The following HCN1 variants were observed in gnomAD, a reference collection of about 807,000 sequenced individuals.
The protein encoded by HCN1 is hyperpolarization activated cyclic nucleotide gated potassium channel 1.
Under a neutral mutation model 78.9 loss-of-function variants are expected in HCN1, and 13 were observed. That is an observed-to-expected ratio of 0.16 (90% confidence interval 0.11 to 0.26). HCN1 has a LOEUF of 0.26. Among genes scored for constraint, HCN1 ranks in the 10% least tolerant of loss-of-function variants. The pLI is 1.00. For synonymous variants in HCN1, 552 were observed against 455.5 expected (o/e 1.21, Z -2.70); for missense variants, 810 against 1,154.3 (o/e 0.70, Z 4.32).
chr5:45,460,011 C>A (rs1741113867), intron 3 of HCN1, among the ~76,000 whole-genome samples: 1 of 152,072 alleles, frequency 6.6e-6, no homozygotes, highest in Admixed American at 6.6e-5. Flanking sequence ...TTACTTTGTT[C>A]TTTAGTTATC....
chr5:45,538,033 TAA>T (rs5867703), intron 2 of HCN1, among the ~76,000 whole-genome samples: 10,537 of 146,890 alleles, frequency 0.072, 467 homozygotes, highest in East Asian at 0.18. Context: ...CAATAACAGT[TAA>T]AAAAAAAAAA....
intron 2 of HCN1, among the ~76,000 whole-genome samples, chr5:45,540,349 A>T (rs1194752363): frequency 1.3e-5 from 2 of 149,736 alleles, no homozygotes; most frequent in East Asian, 3.9e-4. Context: ...TTTGAGAGAG[A>T]GAGAGTCTCA....
intron 7 of HCN1, among the ~76,000 whole-genome samples, chr5:45,265,167 G>A (rs1216223274): frequency 6.6e-6 from 1 of 151,514 alleles, no homozygotes; most frequent in Non-Finnish European, 1.5e-5. Context: ...TCCAGCCTGG[G>A]CAACAGAGCA....
At chr5:45,311,441 T>C (rs909529860) in intron 5 of HCN1, among the ~76,000 whole-genome samples, 5 of 152,206 alleles carry the variant, frequency 3.3e-5, no homozygotes, top group Admixed American at 2.6e-4. Context: ...TTAGAAAATT[T>C]GTTTAAACAT....
intron 7 of HCN1, among the ~76,000 whole-genome samples, chr5:45,265,205 T>A (rs946246330): frequency 1.5e-4 from 22 of 150,792 alleles, no homozygotes; most frequent in African/African-American, 5.1e-4. Context: ...AAAAAAAAAA[T>A]TAACTGCAAT....
chr5:45,516,703 A>G (rs1389964176), intron 2 of HCN1, among the ~76,000 whole-genome samples: 1 of 151,912 alleles, frequency 6.6e-6, no homozygotes, highest in Non-Finnish European at 1.5e-5. Flanking sequence ...TTGATTAATA[A>G]GCCAAAGCTA....
intron 3 of HCN1, among the ~76,000 whole-genome samples, chr5:45,430,164 A>G (rs1188628114): frequency 6.6e-6 from 1 of 152,234 alleles, no homozygotes; most frequent in Non-Finnish European, 1.5e-5. Context: ...CTGTCTTACA[A>G]TTAGGCAGAT....
At chr5:45,464,679 T>G (rs1741232226) in intron 2 of HCN1, among the ~76,000 whole-genome samples, 1 of 151,060 alleles carries the variant, frequency 6.6e-6, no homozygotes, top group African/African-American at 2.5e-5. Flanking sequence ...TAATATTACT[T>G]GTGATGAATA....
chr5:45,312,534 C>A (rs961793236), intron 5 of HCN1, among the ~76,000 whole-genome samples: 6 of 152,124 alleles, frequency 3.9e-5, no homozygotes, highest in African/African-American at 1.4e-4. Context: ...ACAGTGGGTG[C>A]AGCCCACTGA....
chr5:45,573,134 T>C (rs1470657946), intron 2 of HCN1, among the ~76,000 whole-genome samples: 1 of 152,186 alleles, frequency 6.6e-6, no homozygotes, highest in Non-Finnish European at 1.5e-5. Context: ...ATATTATCTA[T>C]GCATATAAAT....
chr5:45,359,118 A>G (rs1414667184), intron 4 of HCN1, among the ~76,000 whole-genome samples: 3 of 152,034 alleles, frequency 2.0e-5, no homozygotes, highest in African/African-American at 7.2e-5. Context: ...CAGATAATAA[A>G]TTTGTATGCC....
chr5:45,454,966 C>G (rs1424834345), intron 3 of HCN1, among the ~76,000 whole-genome samples: 1 of 151,984 alleles, frequency 6.6e-6, no homozygotes, highest in East Asian at 1.9e-4. Context: ...GCTAGAAGTG[C>G]CTGAAGTATC....
chr5:45,676,774 A>T (rs10941699), intron 1 of HCN1, among the ~76,000 whole-genome samples: 1,971 of 151,942 alleles, frequency 0.013, 48 homozygotes, highest in African/African-American at 0.046. Context: ...TTGAATGGAA[A>T]TATATTCAAA....
At chr5:45,687,731 T>C (rs565883384) in intron 1 of HCN1, among the ~76,000 whole-genome samples, 1 of 152,318 alleles carries the variant, frequency 6.6e-6, no homozygotes, top group South Asian at 2.1e-4. Context: ...GGTTATCTTT[T>C]GCTTTCAGTT....
At chr5:45,400,788 C>T (rs1040577791) in intron 3 of HCN1, among the ~76,000 whole-genome samples, 1 of 152,120 alleles carries the variant, frequency 6.6e-6, no homozygotes, top group Non-Finnish European at 1.5e-5. Context: ...TCTTTCTCTA[C>T]CTACATTTCC....
At chr5:45,521,783 C>T (rs1002786667) in intron 2 of HCN1, among the ~76,000 whole-genome samples, 9 of 151,820 alleles carry the variant, frequency 5.9e-5, no homozygotes, top group African/African-American at 1.5e-4. Flanking sequence ...TATTAAATAA[C>T]GTTATAATAT....
intron 2 of HCN1, among the ~76,000 whole-genome samples, chr5:45,523,885 T>C (rs889126278): frequency 1.3e-5 from 2 of 152,198 alleles, no homozygotes; most frequent in African/African-American, 4.8e-5. Context: ...TTTGTCAATT[T>C]TGGCTTTTGT....
chr5:45,304,420 G>A (rs1387694056), intron 5 of HCN1, among the ~76,000 whole-genome samples: 1 of 152,072 alleles, frequency 6.6e-6, no homozygotes, highest in Admixed American at 6.6e-5. Flanking sequence ...GCTCATGGCT[G>A]TAATTCCAGC....
intron 3 of HCN1, among the ~76,000 whole-genome samples, chr5:45,419,864 A>G (rs989473590): frequency 1.4e-4 from 21 of 152,170 alleles, no homozygotes; most frequent in Non-Finnish European, 2.9e-5. Context: ...TTAGTCCCCA[A>G]CATTCCACCC....
Sources: gnomAD v4.1 joint callset for allele counts (sites outside exome capture counted in the v4.1 genomes callset) on GRCh38, gnomAD v4.1.1 for gene constraint, MANE v1.5 for transcripts, NCBI Gene and HGNC (gene_info 2026-07-23, HGNC 2026-07-21) for gene names.